KCNH8: variants seen among roughly 807,000 people sequenced by gnomAD.
The protein encoded by KCNH8 is potassium voltage-gated channel subfamily H member 8.
A neutral mutation model predicts 103.6 loss-of-function variants in KCNH8; 70 were observed. That is an observed-to-expected ratio of 0.68 (90% CI 0.56 to 0.82). The LOEUF is 0.82. Ranked by LOEUF, KCNH8 falls within the 40% of genes least tolerant of loss-of-function variation. The pLI is 0.00. For missense variants in KCNH8, 1,217 were observed against 1,329.9 expected (o/e 0.92, Z 1.32); for synonymous variants, 498 against 489.4 (o/e 1.02, Z -0.23).
At chr3:19,350,904 G>A (rs1039430028) in intron 5 of KCNH8, among the ~76,000 whole-genome samples, 34 of 152,174 alleles carry the variant, frequency 2.2e-4, no homozygotes, top group African/African-American at 7.7e-4. Flanking sequence ...GAGAGAAGAC[G>A]GCTTCAGACA....
At chr3:19,198,590 G>T (rs2063625512) in intron 1 of KCNH8, among the ~76,000 whole-genome samples, 1 of 151,910 alleles carries the variant, frequency 6.6e-6, no homozygotes, top group African/African-American at 2.4e-5. Context: ...ATTCTGTTTT[G>T]CCTCATTTTA....
At chr3:19,343,400 A>G (rs529584402) in intron 4 of KCNH8, among the ~76,000 whole-genome samples, 4 of 152,066 alleles carry the variant, frequency 2.6e-5, no homozygotes, top group Non-Finnish European at 5.9e-5. Context: ...AGGATTTCAC[A>G]CTGAATTTTG....
intron 3 of KCNH8, among the ~76,000 whole-genome samples, chr3:19,304,566 A>T (rs970695419): frequency 1.3e-5 from 2 of 152,134 alleles, no homozygotes; most frequent in Admixed American, 1.3e-4. Context: ...TGTGAAGATT[A>T]AAAGATAATG....
chr3:19,522,557 C>G (rs1313469012), intron 15 of KCNH8, among the ~76,000 whole-genome samples: 1 of 151,858 alleles, frequency 6.6e-6, no homozygotes, highest in Non-Finnish European at 1.5e-5. Flanking sequence ...TCTACTGATT[C>G]AAATGCTAAT....
intron 3 of KCNH8, among the ~76,000 whole-genome samples, chr3:19,320,083 A>T (rs1559474948): frequency 6.6e-6 from 1 of 152,006 alleles, no homozygotes; most frequent in Non-Finnish European, 1.5e-5. Context: ...TTTTCTATGT[A>T]TACGTTCATG....
intron 2 of KCNH8, among the ~76,000 whole-genome samples, chr3:19,277,898 A>T (rs1245878723): frequency 6.6e-6 from 1 of 152,030 alleles, no homozygotes; most frequent in Non-Finnish European, 1.5e-5. Flanking sequence ...ATAAAGAAGG[A>T]GTTAAAATTC....
intron 5 of KCNH8, among the ~76,000 whole-genome samples, chr3:19,376,173 C>T (rs1450988070): frequency 3.3e-5 from 5 of 152,232 alleles, no homozygotes; most frequent in Non-Finnish European, 7.3e-5. Flanking sequence ...CAAGCCTGGG[C>T]AATGGCGGGC....
chr3:19,370,966 T>C (rs1288415066), intron 5 of KCNH8, among the ~76,000 whole-genome samples: 2 of 152,112 alleles, frequency 1.3e-5, no homozygotes, highest in African/African-American at 4.8e-5. Flanking sequence ...TGCATAGTAT[T>C]CCATGGTGTA....
chr3:19,465,093 T>C (rs1482917125), intron 11 of KCNH8, among the ~76,000 whole-genome samples: 1 of 152,212 alleles, frequency 6.6e-6, no homozygotes, highest in Non-Finnish European at 1.5e-5. Flanking sequence ...GAGAAATCTT[T>C]AGCAATTCAT....
Position 19,417,749 on chromosome 3 carries a change from T to G in KCNH8, c.1178-20415T>G, listed in dbSNP as rs544655199. On this transcript the variant is annotated intron_variant, in intron 7 of 15. Transcript: ENST00000328405. The stretch of plus-strand genomic sequence containing the variant: ...GTTAATATACTGCAGATTATGTGTC[T>G]AAGAGACTATAGATATGAAGAAAGA... Among the ~76,000 whole-genome samples the G allele has an allele frequency of 2.5e-4, 38 of 152,232 alleles. 1 individual carries two copies. The highest frequency in any genetic ancestry group is 8.4e-4 in the African/African-American group (35 of 41,566).
At chr3:19,448,800 C>T in intron 8 of KCNH8, 2 of 238,148 alleles carry the variant, frequency 8.4e-6, no homozygotes, top group Non-Finnish European at 8.8e-6. Context: ...TGATTTTACC[C>T]AACACATAAG....
chr3:19,167,424 T>C (rs568990183), intron 1 of KCNH8, among the ~76,000 whole-genome samples: 1 of 152,336 alleles, frequency 6.6e-6, no homozygotes, highest in East Asian at 1.9e-4. Flanking sequence ...TTTTATAAAA[T>C]GAAGATTCCT....
rs113573828 is a variant in KCNH8 at position 19,451,538 on chromosome 3, A to T, written c.1825+134A>T. On this transcript the variant is annotated intron_variant, in intron 10 of 15. Coordinates refer to ENST00000328405, the MANE Select transcript of KCNH8 (RefSeq NM_144633.3). ...ACATGAACTCAGGAGTATTCCTCAT[A>T]TGAGTTTAGTGTGCCTATGTGTTAT... is the stretch of plus-strand genomic sequence containing the variant. The T allele has an allele frequency of 2.2e-4, 172 of 774,300 alleles. 2 individuals are homozygous for T. In the South Asian group the frequency reaches 2.9e-3, roughly 13 times the overall value. 48.0% of individuals were successfully genotyped at this position (774,300 alleles called of 1,614,324 possible). A position where few individuals can be genotyped will look rare whatever the true frequency, so the allele number is the denominator to read the frequency against.
chr3:19,244,346 A>G (rs149675821), intron 1 of KCNH8, among the ~76,000 whole-genome samples: 1 of 152,276 alleles, frequency 6.6e-6, no homozygotes, highest in East Asian at 1.9e-4. Context: ...TCTACCATAG[A>G]TGGGCCCCTA....
chr3:19,414,396 A>G (rs1408245030), intron 7 of KCNH8, among the ~76,000 whole-genome samples: 2 of 152,106 alleles, frequency 1.3e-5, no homozygotes, highest in Non-Finnish European at 2.9e-5. Context: ...ATCATGAAAC[A>G]TATGGAAAAA....
chr3:19,411,681 G>A lies in KCNH8; in HGVS notation c.1177+16370G>A, dbSNP rs143313324. 4.0e-3 allele frequency among the ~76,000 whole-genome samples: 613 copies of A among 151,848 alleles called. 5 individuals carry two copies. The highest frequency in any genetic ancestry group is 0.014 in the African/African-American group (577 of 41,450). On this transcript the variant is annotated intron_variant, in intron 7 of 15. Transcript: ENST00000328405. ...GCAAATTTCAGGATAGAAAATCAAT[G>A]TACAAAAATCAGTAGTGTGCCTACA...
chr3:19,355,587 C>T (rs1048993519), intron 5 of KCNH8, among the ~76,000 whole-genome samples: 1 of 152,064 alleles, frequency 6.6e-6, no homozygotes. Context: ...TTTGTAGGGA[C>T]ATGGATGAAG....
chr3:19,289,675 T>C (rs1238732626), intron 3 of KCNH8, among the ~76,000 whole-genome samples: 1 of 151,508 alleles, frequency 6.6e-6, no homozygotes, highest in Non-Finnish European at 1.5e-5. Context: ...CTCCAGCTTT[T>C]GGCTGGAGGA....
intron 3 of KCNH8, among the ~76,000 whole-genome samples, chr3:19,340,154 C>A (rs147179468): frequency 6.6e-6 from 1 of 151,890 alleles, no homozygotes; most frequent in Non-Finnish European, 1.5e-5. Context: ...CAGAGCCTGG[C>A]GCACAGTAGG....
Sources: allele counts gnomAD v4.1 joint callset (sites outside exome capture counted in the v4.1 genomes callset), GRCh38; gene constraint gnomAD v4.1.1; transcripts MANE v1.5; gene names NCBI Gene and HGNC (gene_info 2026-07-23, HGNC 2026-07-21).